The following PSPC1 variants were observed in gnomAD, a reference collection of about 807,000 sequenced individuals.
PSPC1 encodes paraspeckle protein 1.
Under a neutral mutation model 51.6 loss-of-function variants are expected in PSPC1, and 14 were observed. The observed-to-expected ratio is 0.27, with a 90% CI of 0.18 to 0.42. PSPC1 has a LOEUF of 0.42. Among genes scored for constraint, PSPC1 ranks in the 10% least tolerant of loss-of-function variants. The pLI, the probability that PSPC1 is intolerant of heterozygous loss-of-function variation, is 1.00. For synonymous variants in PSPC1, 193 were observed against 231.9 expected (o/e 0.83, Z 1.53); for missense variants, 406 against 701.1 (o/e 0.58, Z 4.75).
downstream of PSPC1, chr13:19,671,414 G>T (rs997029846): frequency 1.2e-5 from 9 of 758,880 alleles, no homozygotes; most frequent in Non-Finnish European, 2.0e-5. Flanking sequence ...CACTCCCTGG[G>T]GTAGTGATGC....
chr13:19,751,146 A>G (rs1328571340), intron 4 of PSPC1, 125 bp downstream of exon 4: 8 of 645,564 alleles, frequency 1.2e-5, no homozygotes, highest in Admixed American at 3.1e-5. Context: ...TTCACACCTA[A>G]TATGTTGAGT....
At chr13:19,718,438 C>T (rs114727280) in intron 6 of PSPC1, among the ~76,000 whole-genome samples, 2,109 of 152,236 alleles carry the variant, frequency 0.014, 30 homozygotes, top group Middle Eastern at 0.048. Context: ...GACAGCACTA[C>T]AAAACCTACT....
chr13:19,702,392 C>T (rs1007023681), downstream of PSPC1: 5 of 152,016 alleles, frequency 3.3e-5, no homozygotes, highest in South Asian at 2.1e-4. Flanking sequence ...ACTAACTGTA[C>T]GATAATAATC....
At chr13:19,702,452 A>T (rs1321447841), downstream of PSPC1, 1 of 152,246 alleles carries the variant, frequency 6.6e-6, no homozygotes, top group Non-Finnish European at 1.5e-5. Context: ...GATATGTTTA[A>T]AACTAGACAT....
At chr13:19,757,882 A>T (rs558955614) in intron 3 of PSPC1, among the ~76,000 whole-genome samples, 1 of 152,216 alleles carries the variant, frequency 6.6e-6, no homozygotes, top group Admixed American at 6.6e-5. Flanking sequence ...AGAGAACAGA[A>T]CTGGAGGCAG....
chr13:19,779,287 G>GT (rs1889598844), intron 1 of PSPC1, among the ~76,000 whole-genome samples: 1 of 85,578 alleles, frequency 1.2e-5, no homozygotes, highest in Non-Finnish European at 2.7e-5. Flanking sequence ...GGTGGGGGGG[G>GT]TCAGCCCCCC....
intron 6 of PSPC1, among the ~76,000 whole-genome samples, chr13:19,715,254 A>G (rs1212891515): frequency 3.3e-5 from 5 of 152,220 alleles, no homozygotes; most frequent in African/African-American, 9.6e-5. Flanking sequence ...TTGAGAAGCA[A>G]TATTTTTAAA....
At chr13:19,740,951 T>C (rs1340757788) in intron 5 of PSPC1, among the ~76,000 whole-genome samples, 1 of 151,936 alleles carries the variant, frequency 6.6e-6, no homozygotes, top group South Asian at 2.1e-4. Context: ...CTCAGATCAC[T>C]GCAACCTCCG....
intron 5 of PSPC1, among the ~76,000 whole-genome samples, chr13:19,739,726 A>G (rs1885227099): frequency 6.6e-6 from 1 of 152,184 alleles, no homozygotes; most frequent in Non-Finnish European, 1.5e-5. Context: ...CTGGGCAGCA[A>G]GAGCGAAACT....
intron 6 of PSPC1, among the ~76,000 whole-genome samples, chr13:19,715,586 G>A (rs1032506607): frequency 2.6e-5 from 4 of 152,046 alleles, no homozygotes; most frequent in African/African-American, 7.2e-5. Context: ...AAACTTTCAC[G>A]CACAAAATTA....
chr13:19,689,409 G>C (rs755766482), intron 6 of PSPC1, among the ~76,000 whole-genome samples: 13 of 152,088 alleles, frequency 8.5e-5, no homozygotes, highest in Non-Finnish European at 1.8e-4. Context: ...AGAAAAAAAT[G>C]AGTTTTGGCA....
rs745644939 is a variant in PSPC1 at position 19,709,581 on chromosome 13, T to C, written c.1177A>G (p.Met393Val). The C allele has an allele frequency of 1.2e-6, 2 of 1,612,532 alleles. No homozygotes were observed. The highest frequency in any genetic ancestry group is 1.7e-5 in the Admixed American group (1 of 59,686). The change falls in exon 7 of 9, where the codon ATG becomes GTG. Residue 393 changes from methionine to valine, a missense_variant. Physicochemically the swap from Met to Val is conservative, Grantham distance 21 (BLOSUM62 1). Transcript: ENST00000338910. ...GCTCCACGGGGACCCATATCACCCA[T>C]TCTCATTTCCTGTTCTCTCTGTAAG... ...YMENREQEMR[M>V]GDMGPRGAIN...
At chr13:19,775,100 A>C (rs968638174) in intron 1 of PSPC1, among the ~76,000 whole-genome samples, 1 of 152,088 alleles carries the variant, frequency 6.6e-6, no homozygotes, top group African/African-American at 2.4e-5. Flanking sequence ...GCACTTTAGG[A>C]GGCCGAGGCG....
chr13:19,778,006 G>A (rs1369987976), intron 1 of PSPC1, among the ~76,000 whole-genome samples: 1 of 152,100 alleles, frequency 6.6e-6, no homozygotes, highest in East Asian at 1.9e-4. Flanking sequence ...AACTTTGGGA[G>A]GCCAAGGCGG....
rs143358831 is a variant in PSPC1 at position 19,723,068 on chromosome 13, G to A, written c.1158+7171C>T. Among the ~76,000 whole-genome samples, 1,496 of 152,244 alleles carry A rather than the reference G, an allele frequency of 9.8e-3. 12 individuals are homozygous for A. The highest frequency in any genetic ancestry group is 0.044 in the Middle Eastern group (13 of 294). On this transcript the variant is annotated intron_variant, in intron 6 of 8. Coordinates refer to ENST00000338910, the MANE Select transcript of PSPC1 (RefSeq NM_001354909.2). ...AGAGGTTGCAGTGAGTCAAGATCAC[G>A]CCACTGCACTCCAGCCTGGGCAACA...
intron 3 of PSPC1, among the ~76,000 whole-genome samples, chr13:19,755,065 T>C (rs1886933534): frequency 6.6e-6 from 1 of 151,936 alleles, no homozygotes; most frequent in South Asian, 2.1e-4. Flanking sequence ...AAACTCTGTC[T>C]TTACAAAATA....
intron 2 of PSPC1, among the ~76,000 whole-genome samples, chr13:19,771,931 G>T (rs1888662726): frequency 6.6e-6 from 1 of 152,112 alleles, no homozygotes; most frequent in Non-Finnish European, 1.5e-5. Flanking sequence ...TGTAAATTAG[G>T]TGTCAATAAA....
intron 3 of PSPC1, among the ~76,000 whole-genome samples, chr13:19,757,275 G>A (rs7994276): frequency 0.018 from 2,715 of 152,210 alleles, 84 homozygotes; most frequent in African/African-American, 0.062. Context: ...TGGAACCCTT[G>A]ACAGACCATC....
rs755687071 is a variant in PSPC1, at chr13:19,751,387, T to C, written c.851A>G (p.Glu284Gly). Reference protein sequence around the residue: ...EYASRWKALDEMEKQQREQVD... With the variant: ...EYASRWKALDGMEKQQREQVD... ...CTGCTCACGCTGCTGCTTTTCCATT[T>C]CATCAAGAGCCTTCCATCGAGATGC... Residue 284 changes from glutamate (E) to glycine (G), a missense_variant, in exon 4 of 9, where the codon GAA becomes GGA. Glu to Gly is a moderately conservative substitution (Grantham distance 98). Transcript: ENST00000338910. 3.8e-6 allele frequency: 6 copies of C among 1,595,084 alleles called. No homozygotes were observed. The East Asian group carries it at 9.1e-5, about 24-fold the overall frequency.
Sources: allele counts gnomAD v4.1 joint callset (sites outside exome capture counted in the v4.1 genomes callset), GRCh38; gene constraint gnomAD v4.1.1; transcripts MANE v1.5; gene names NCBI Gene and HGNC (gene_info 2026-07-23, HGNC 2026-07-21).